CDC25A: variants seen among roughly 807,000 people sequenced by gnomAD.
The protein encoded by CDC25A is M-phase inducer phosphatase 1.
Under a neutral mutation model 64.6 loss-of-function variants are expected in CDC25A, and 17 were observed. The ratio of observed to expected loss-of-function variants is 0.26; its 90% CI spans 0.18 to 0.39. The LOEUF (loss-of-function observed/expected upper bound fraction) is 0.39, where lower values mean the gene tolerates loss of function less well. Among genes scored for constraint, CDC25A ranks in the 10% least tolerant of loss-of-function variants. The pLI is 1.00. For missense variants in CDC25A, 473 were observed against 654.8 expected, an observed-to-expected ratio of 0.72 and a Z score of 3.03; for synonymous variants, 229 against 238.6, an observed-to-expected ratio of 0.96 and a Z score of 0.37.
At position 48,172,075 on chromosome 3, in the gene CDC25A, G is replaced by A. The variant is rs549846780; in HGVS notation, c.930+2209C>T. On this transcript the variant is annotated intron_variant, in intron 9 of 14. Coordinates refer to ENST00000302506, the MANE Select transcript of CDC25A (RefSeq NM_001789.3). The stretch of plus-strand genomic sequence containing the variant: ...TCCCAGCTGCTAGGGGGGCTGAGGC[G>A]GGAGGAGTGCTTGAGCCCATGGAGG... Among the ~76,000 whole-genome samples the A allele has an allele frequency of 6.6e-5, 10 of 152,264 alleles. No individual in the cohort carries two copies. The East Asian group carries it at 7.7e-4, about 12-fold the overall frequency.
At chr3:48,182,641 C>G (rs1016711780) in intron 5 of CDC25A, among the ~76,000 whole-genome samples, 1 of 152,240 alleles carries the variant, frequency 6.6e-6, no homozygotes, top group African/African-American at 2.4e-5. Flanking sequence ...CAACTCCCGC[C>G]TGTCAGGCAC....
chr3:48,183,533 C>T (rs896289488), intron 4 of CDC25A, among the ~76,000 whole-genome samples: 5 of 151,982 alleles, frequency 3.3e-5, no homozygotes, highest in Admixed American at 3.3e-4. Flanking sequence ...AAAAATCAGC[C>T]GGGTGTGATG....
At chr3:48,178,410 TA>T (rs1482040716) in intron 6 of CDC25A, among the ~76,000 whole-genome samples, 1 of 147,242 alleles carries the variant, frequency 6.8e-6, no homozygotes, top group Non-Finnish European at 1.5e-5. Flanking sequence ...TGCACTTATA[TA>T]TAACTCCAGT....
chr3:48,186,343 C>G (rs1212476684), intron 2 of CDC25A, among the ~76,000 whole-genome samples: 1 of 152,122 alleles, frequency 6.6e-6, no homozygotes, highest in African/African-American at 2.4e-5. Flanking sequence ...CCGAGGAAGG[C>G]GGATCACCTG....
At chr3:48,172,751 C>T (rs1400389630) in intron 9 of CDC25A, among the ~76,000 whole-genome samples, 1 of 152,166 alleles carries the variant, frequency 6.6e-6, no homozygotes, top group African/African-American at 2.4e-5. Context: ...ATAGTCCCAG[C>T]TGCTTGAGAG....
At chr3:48,180,603 G>T in intron 6 of CDC25A, 118 bp downstream of exon 6, 1 of 1,076,792 alleles carries the variant, frequency 9.3e-7, no homozygotes, top group Non-Finnish European at 1.3e-6. Context: ...AATTTCAAAA[G>T]ACAAAGTCAA....
At chr3:48,166,019 T>C in intron 10 of CDC25A, 126 bp from the exon 11 acceptor site, 1 of 698,758 alleles carries the variant, frequency 1.4e-6, no homozygotes, top group East Asian at 2.6e-5. Context: ...GCACGGTGGC[T>C]CACACCTGTA....
At chr3:48,169,214 AAGT>A (rs2032174872) in intron 9 of CDC25A, among the ~76,000 whole-genome samples, 1 of 152,206 alleles carries the variant, frequency 6.6e-6, no homozygotes, top group Non-Finnish European at 1.5e-5. Flanking sequence ...TGATGAGTGT[AAGT>A]TTCTCTTTAT....
chr3:48,187,920 G>C lies in CDC25A; in HGVS notation c.28C>G (p.Arg10Gly). 6.5e-7 allele frequency: 1 copy of C among 1,532,442 alleles called. No homozygotes were observed. Among genetic ancestry groups the C allele is most frequent in the South Asian group, 1.2e-5 (1 of 83,214 alleles). 94.9% of individuals were successfully genotyped at this position (1,532,442 alleles called of 1,614,324 possible). MELGPEPPH[R>G]RRLLFACSPP... Reference sequence around the variant, plus strand: ...CTGCAGGCGAAGAGCAGGCGGCGGCGGTGCGGGGGCTCCGGGCCCAGTTCC... The same window carrying C: ...CTGCAGGCGAAGAGCAGGCGGCGGCCGTGCGGGGGCTCCGGGCCCAGTTCC... The change falls in exon 1 of 15, where the codon CGC becomes GGC. Residue 10 changes from arginine (R) to glycine (G), a missense_variant. This residue lies in a region of CDC25A where 376 missense variants were observed against 431.9 expected (regional missense o/e 0.87). Transcript: ENST00000302506.
At chr3:48,168,648 CAG>C (rs2032151162) in intron 9 of CDC25A, among the ~76,000 whole-genome samples, 2 of 132,956 alleles carry the variant, frequency 1.5e-5, no homozygotes, top group South Asian at 2.3e-4. Flanking sequence ...TTTAAAAAGA[CAG>C]AGTCTCGCTC....
chr3:48,181,404 A>T (rs1404351643), intron 5 of CDC25A: 3 of 585,444 alleles, frequency 5.1e-6, no homozygotes, highest in Non-Finnish European at 9.2e-6. Flanking sequence ...GAATGAAAAC[A>T]CTCACAGGTC....
intron 2 of CDC25A, among the ~76,000 whole-genome samples, chr3:48,186,028 A>G (rs1193186355): frequency 6.6e-6 from 1 of 152,250 alleles, no homozygotes; most frequent in Admixed American, 6.5e-5. Context: ...TGAATTCATG[A>G]AGAATGAAAT....
rs369881133 is a variant in CDC25A, at chr3:48,184,711, A to G, written c.248-16T>C. 30 of 1,572,432 alleles carry G rather than the reference A, an allele frequency of 1.9e-5. No homozygotes were observed. The East Asian group carries it at 4.3e-4, about 22-fold the overall frequency. On this transcript the variant is annotated splice_polypyrimidine_tract_variant and intron_variant, in intron 2 of 14. Coordinates refer to ENST00000302506, the MANE Select transcript of CDC25A (RefSeq NM_001789.3). ...AGACAGAAACCTATGGGGAAAAAAAAAACCTCTCAAGAAATAATACAAAAA... is the reference window on the plus strand; with the variant it reads ...AGACAGAAACCTATGGGGAAAAAAAGAACCTCTCAAGAAATAATACAAAAA...
intron 2 of CDC25A, 76 bp from the exon 3 acceptor site, chr3:48,184,771 A>C: frequency 9.5e-7 from 1 of 1,049,968 alleles, no homozygotes; most frequent in South Asian, 1.4e-5. Flanking sequence ...AACACTAAAC[A>C]AAGTACCTGG....
intron 10 of CDC25A, 148 bp from the exon 11 acceptor site, chr3:48,166,041 T>A: frequency 1.6e-6 from 1 of 636,620 alleles, no homozygotes; most frequent in Non-Finnish European, 2.8e-6. Context: ...TCCCAGCACT[T>A]TGGGAGGCCG....
chr3:48,168,360 CCACA>C (rs58104019), intron 9 of CDC25A, among the ~76,000 whole-genome samples: 1,945 of 106,534 alleles, frequency 0.018, 27 homozygotes, highest in East Asian at 0.053. Context: ...AAGACCCTGT[CCACA>C]CACACACACA....
At chr3:48,167,356 C>A (rs1016193996) in intron 10 of CDC25A, among the ~76,000 whole-genome samples, 1 of 152,206 alleles carries the variant, frequency 6.6e-6, no homozygotes, top group South Asian at 2.1e-4. Context: ...TGCAGCCAAG[C>A]CTTCATGTAG....
At chr3:48,174,150 CCCA>C in intron 9 of CDC25A, 131 bp downstream of exon 9, 4 of 753,874 alleles carry the variant, frequency 5.3e-6, no homozygotes, top group Non-Finnish European at 8.5e-6. Flanking sequence ...CACACACACA[CCCA>C]CACACACACA....
rs2031917497 is a variant in CDC25A, at chr3:48,164,452, G to A, written c.1192-15C>T. ...TTCACTGCACCCTGTGAAGACAACA[G>A]AGACCCTTGGAACCTGCACGTTTCA... On this transcript the variant is annotated splice_polypyrimidine_tract_variant and intron_variant, in intron 12 of 14. Coordinates refer to ENST00000302506, the MANE Select transcript of CDC25A (RefSeq NM_001789.3). The A allele has an allele frequency of 6.5e-7, 1 of 1,529,640 alleles. No homozygotes were observed. The highest frequency in any genetic ancestry group is 8.7e-7 in the Non-Finnish European group (1 of 1,144,014). 94.8% of individuals were successfully genotyped at this position (1,529,640 alleles called of 1,614,324 possible).
Sources: allele counts gnomAD v4.1 joint callset (sites outside exome capture counted in the v4.1 genomes callset), GRCh38; gene constraint gnomAD v4.1.1; regional missense constraint gnomAD v4.1.1; transcripts MANE v1.5; gene names NCBI Gene and HGNC (gene_info 2026-07-23, HGNC 2026-07-21).